The following SEL1L3 variants were observed in gnomAD, a reference collection of about 807,000 sequenced individuals.
The protein encoded by SEL1L3 is protein sel-1 homolog 3.
SEL1L3 carries 76 observed loss-of-function variants against 142.8 expected under a neutral mutation model. The observed-to-expected ratio is 0.53, with a 90% CI of 0.44 to 0.64. The LOEUF (loss-of-function observed/expected upper bound fraction) is 0.64. SEL1L3 is among the 30% of genes least tolerant of loss of function. The probability of loss-of-function intolerance (pLI) is 0.00; values close to 1 mark genes in which losing one functional copy is unlikely to be tolerated. For missense variants in SEL1L3, 1,262 were observed against 1,381.7 expected (o/e 0.91, Z 1.37); for synonymous variants, 504 against 519.6 (o/e 0.97, Z 0.41).
At chr4:25,790,905 A>G (rs1712288519) in intron 11 of SEL1L3, among the ~76,000 whole-genome samples, 1 of 152,262 alleles carries the variant, frequency 6.6e-6, no homozygotes, top group Non-Finnish European at 1.5e-5. Context: ...GCTCAAGAAA[A>G]ACTATATGAA....
chr4:25,718,710 T>C, the SEL1L3 span: 1 of 152,206 alleles, frequency 6.6e-6, no homozygotes, highest in Non-Finnish European at 1.5e-5. Context: ...AGCTGTATCA[T>C]ACCGTAACTG....
At chr4:25,728,919 T>G in the SEL1L3 span, among the ~76,000 whole-genome samples, 1 of 150,680 alleles carries the variant, frequency 6.6e-6, no homozygotes, top group East Asian at 2.0e-4. Flanking sequence ...CTGAACAGAC[T>G]CTTACTGGCC....
At chr4:25,802,158 C>T in intron 11 of SEL1L3, 125 bp downstream of exon 11, 1 of 786,440 alleles carries the variant, frequency 1.3e-6, no homozygotes, top group Non-Finnish European at 2.0e-6. Context: ...CAAGACAGCT[C>T]CTCTCTCCAT....
rs183168427 is a variant in SEL1L3 at position 25,790,717 on chromosome 4, A to C, written c.1957-143T>G. The C allele has an allele frequency of 1.3e-3, 173 of 128,592 alleles. 5 individuals are homozygous for C. The highest frequency in any genetic ancestry group is 5.6e-3 in the African/African-American group (154 of 27,276). The allele number at this position is 128,592 out of a possible 1,614,324, so 8.0% of individuals were successfully genotyped here. ...GAGGGAGGGAAGGAAGAAAAGAAGGAGAGAGGGAGGGAGGGAAGGAAGGAA... is the reference window on the plus strand; with the variant it reads ...GAGGGAGGGAAGGAAGAAAAGAAGGCGAGAGGGAGGGAGGGAAGGAAGGAA... On this transcript the variant is annotated intron_variant, in intron 11 of 23. Coordinates refer to ENST00000399878, the MANE Select transcript of SEL1L3 (RefSeq NM_015187.5).
intron 6 of SEL1L3, among the ~76,000 whole-genome samples, chr4:25,829,051 C>A (rs1715272087): frequency 6.6e-6 from 1 of 152,250 alleles, no homozygotes; most frequent in South Asian, 2.1e-4. Context: ...CAGCTCACTG[C>A]AACCTCTGCC....
At chr4:25,723,906 A>G in the SEL1L3 span, among the ~76,000 whole-genome samples, 10 of 152,184 alleles carry the variant, frequency 6.6e-5, no homozygotes, top group Non-Finnish European at 1.5e-4. Flanking sequence ...GCAAACATCT[A>G]TCATGTTCCT....
downstream of SEL1L3, among the ~76,000 whole-genome samples, chr4:25,746,001 G>T (rs993602743): frequency 6.6e-6 from 1 of 152,150 alleles, no homozygotes; most frequent in South Asian, 2.1e-4. Flanking sequence ...CCATATTTAG[G>T]ACCTGATATA....
chr4:25,818,278 C>T lies in SEL1L3; in HGVS notation c.1424G>A (p.Cys475Tyr). ...GTCCAGGTAGGAGTTGTGGAGGTGG[C>T]CTACACAGAAGAGGGAGCAGAAGAT... ...AKHGGERQEA[C>Y]HLHNSYLDLQ... Residue 475 changes from cysteine (C) to tyrosine (Y), a missense_variant and splice_region_variant, in exon 9 of 24, where the codon TGC becomes TAC. Coordinates refer to ENST00000399878, the MANE Select transcript of SEL1L3 (RefSeq NM_015187.5). 1 of 1,597,246 alleles carries T rather than the reference C, an allele frequency of 6.3e-7. No individual in the cohort carries two copies. The highest frequency in any genetic ancestry group is 1.1e-5 in the South Asian group (1 of 87,976).
At position 25,838,580 on chromosome 4, in the gene SEL1L3, TG is replaced by T. The variant is rs532693332; in HGVS notation, c.734-3258del. On this transcript the variant is annotated intron_variant, in intron 2 of 23. Coordinates refer to ENST00000399878, the MANE Select transcript of SEL1L3 (RefSeq NM_015187.5). Reference sequence around the variant, plus strand: ...GTGGGCATGACCTGTGCGGATATACTGGTTGCTAAAACACTGAAATATTTCT... The same window carrying T: ...GTGGGCATGACCTGTGCGGATATACTGTTGCTAAAACACTGAAATATTTCT... Among the ~76,000 whole-genome samples the T allele has an allele frequency of 1.2e-3, 178 of 152,356 alleles. 1 individual carries two copies. The highest frequency in any genetic ancestry group is 2.3e-3 in the Non-Finnish European group (155 of 68,034).
chr4:25,816,510 C>T (rs766176691), intron 9 of SEL1L3, among the ~76,000 whole-genome samples: 1 of 152,174 alleles, frequency 6.6e-6, no homozygotes, highest in South Asian at 2.1e-4. Context: ...CTGTTCCTGT[C>T]ACCATGTCCC....
intron 1 of SEL1L3, among the ~76,000 whole-genome samples, chr4:25,857,801 G>T (rs1261570899): frequency 1.3e-5 from 2 of 152,234 alleles, no homozygotes. Context: ...CTGGCTACAG[G>T]GTTGGGGAAT....
At chr4:25,722,262 TAA>T in the SEL1L3 span, among the ~76,000 whole-genome samples, 1 of 152,338 alleles carries the variant, frequency 6.6e-6, no homozygotes, top group East Asian at 1.9e-4. Flanking sequence ...TCTCTGATGA[TAA>T]GAGTCTCTCT....
At chr4:25,756,383 T>C in intron 23 of SEL1L3, 1 of 985,406 alleles carries the variant, frequency 1.0e-6, no homozygotes. Flanking sequence ...GAGGAGTAAA[T>C]GTAAGAGCTA....
At chr4:25,739,760 ATGTGTGTGTGTGTG>A in the SEL1L3 span, among the ~76,000 whole-genome samples, 40 of 146,446 alleles carry the variant, frequency 2.7e-4, no homozygotes, top group Non-Finnish European at 4.7e-4. Flanking sequence ...AGAAAAAATA[ATGTGTGTGTGTGTG>A]TGTGTGTGTG....
chr4:25,801,638 A>T (rs1037303980), intron 11 of SEL1L3, among the ~76,000 whole-genome samples: 1 of 152,136 alleles, frequency 6.6e-6, no homozygotes, highest in East Asian at 1.9e-4. Context: ...TGAATCAATA[A>T]TATCTGGGAG....
chr4:25,774,126 C>T (rs1486496050), intron 17 of SEL1L3, among the ~76,000 whole-genome samples: 1 of 152,132 alleles, frequency 6.6e-6, no homozygotes, highest in Non-Finnish European at 1.5e-5. Flanking sequence ...ATGTAAAAAG[C>T]AATCATGATC....
chr4:25,724,184 C>T, the SEL1L3 span, among the ~76,000 whole-genome samples: 6 of 152,000 alleles, frequency 3.9e-5, no homozygotes, highest in Non-Finnish European at 5.9e-5. Context: ...TTTGAGAGGC[C>T]GAGGAGGGTG....
At chr4:25,852,203 G>A (rs560678306) in intron 1 of SEL1L3, among the ~76,000 whole-genome samples, 2 of 152,278 alleles carry the variant, frequency 1.3e-5, no homozygotes, top group Non-Finnish European at 2.9e-5. Context: ...CTGCAGACGA[G>A]GAAATGACAA....
At chr4:25,853,381 T>A (rs774383990) in intron 1 of SEL1L3, among the ~76,000 whole-genome samples, 2 of 152,226 alleles carry the variant, frequency 1.3e-5, no homozygotes, top group Non-Finnish European at 2.9e-5. Context: ...TGTTTCAAAG[T>A]CTCAGGTGCA....
Sources: gnomAD v4.1 joint callset for allele counts (sites outside exome capture counted in the v4.1 genomes callset) on GRCh38, gnomAD v4.1.1 for gene constraint, MANE v1.5 for transcripts, NCBI Gene and HGNC (gene_info 2026-07-23, HGNC 2026-07-21) for gene names.